Variants in ITPKB observed in about 807,000 individuals in gnomAD.
ITPKB encodes the protein IP3 3-kinase B.
ITPKB carries 13 observed loss-of-function variants against 69.4 expected under a neutral mutation model. The observed-to-expected ratio is 0.19, with a 90% CI of 0.12 to 0.30. The LOEUF is 0.30. Ranked by LOEUF, ITPKB falls within the 10% of genes least tolerant of loss-of-function variation. The probability of loss-of-function intolerance (pLI) is 1.00; values close to 1 mark genes in which losing one functional copy is unlikely to be tolerated. For synonymous variants in ITPKB, 584 were observed against 513.7 expected (o/e 1.14, Z -1.85); for missense variants, 1,240 against 1,250.5 (o/e 0.99, Z 0.13).
chr1:226,703,735 C>T (rs1656736329), intron 2 of ITPKB, among the ~76,000 whole-genome samples: 1 of 152,236 alleles, frequency 6.6e-6, no homozygotes, highest in African/African-American at 2.4e-5. Flanking sequence ...GCGGGAAAGA[C>T]AAGGGGGCTG....
intron 4 of ITPKB, among the ~76,000 whole-genome samples, chr1:226,644,106 C>G (rs1006692154): frequency 6.6e-6 from 1 of 152,250 alleles, no homozygotes. Flanking sequence ...GGAAGCAGAC[C>G]TCAATGTGAA....
intron 2 of ITPKB, among the ~76,000 whole-genome samples, chr1:226,712,101 G>A (rs1656975368): frequency 1.3e-5 from 2 of 152,192 alleles, no homozygotes; most frequent in Non-Finnish European, 1.5e-5. Flanking sequence ...GCAAGAGTGA[G>A]ATAATAGTCT....
intron 2 of ITPKB, among the ~76,000 whole-genome samples, chr1:226,720,147 G>T (rs957493414): frequency 6.6e-6 from 1 of 152,214 alleles, no homozygotes; most frequent in Non-Finnish European, 1.5e-5. Flanking sequence ...TCCACTCTTA[G>T]TTCCACCTCC....
intron 2 of ITPKB, among the ~76,000 whole-genome samples, chr1:226,685,569 T>C (rs3754401): frequency 0.015 from 2,259 of 152,256 alleles, 110 homozygotes; most frequent in Admixed American, 0.081. Flanking sequence ...GTAGCTGTTC[T>C]TCCCTGTCTG....
At position 226,735,434 on chromosome 1, in the gene ITPKB, C is replaced by T. The variant is rs961940693; in HGVS notation, c.1932+93G>A. On this transcript the variant is annotated intron_variant, in intron 2 of 7. Coordinates refer to ENST00000429204, the MANE Select transcript of ITPKB (RefSeq NM_002221.4). Reference sequence around the variant, plus strand: ...AGGGCCCTGGTCTGAGTTTTCATGACTGTGTAGAAAGTTAAGAAAAAGGGA... The same window carrying T: ...AGGGCCCTGGTCTGAGTTTTCATGATTGTGTAGAAAGTTAAGAAAAAGGGA... 9.6e-6 allele frequency: 13 copies of T among 1,347,164 alleles called. No homozygotes were observed. The African/African-American group carries it at 2.0e-4, about 21-fold the overall frequency. The allele number at this position is 1,347,164 out of a possible 1,614,324, so 83.5% of individuals were successfully genotyped here.
chr1:226,711,110 G>C (rs1011359004), intron 2 of ITPKB, among the ~76,000 whole-genome samples: 1 of 152,092 alleles, frequency 6.6e-6, no homozygotes, highest in African/African-American at 2.4e-5. Context: ...TGAAAACAAA[G>C]CCAAACAAAA....
In ITPKB at chr1:226,632,049, A is replaced by AGAG. The variant is rs1416435724; in HGVS notation, c.*2619_*2621dup. 2 of 152,700 alleles carry AGAG rather than the reference A, an allele frequency of 1.3e-5. No individual in the cohort carries two copies. Among genetic ancestry groups the AGAG allele is most frequent in the Admixed American group, 6.5e-5 (1 of 15,292 alleles). The allele number at this position is 152,700 out of a possible 1,614,324, so 9.5% of individuals were successfully genotyped here. A position where few individuals can be genotyped will look rare whatever the true frequency, so the allele number is the denominator to read the frequency against. On this transcript the variant is annotated 3_prime_UTR_variant, in exon 8 of 8. Coordinates refer to ENST00000429204, the MANE Select transcript of ITPKB (RefSeq NM_002221.4). ...AAGGCAAAGCTTTCAAGGAGAAACA[A>AGAG]GAGTCCAGCCTTTCGGTCTTAGTGT... is the stretch of plus-strand genomic sequence containing the variant.
intron 7 of ITPKB, among the ~76,000 whole-genome samples, chr1:226,636,319 A>G (rs1668836194): frequency 6.6e-6 from 1 of 152,216 alleles, no homozygotes; most frequent in Admixed American, 6.5e-5. Flanking sequence ...GGGGACAAGG[A>G]GAGCAAAGAA....
chr1:226,665,019 T>C (rs944804405), intron 2 of ITPKB, among the ~76,000 whole-genome samples: 1 of 152,228 alleles, frequency 6.6e-6, no homozygotes, highest in Non-Finnish European at 1.5e-5. Flanking sequence ...CCAGGTGATA[T>C]AGGGCAGAGG....
intron 5 of ITPKB, among the ~76,000 whole-genome samples, chr1:226,640,448 C>A (rs1414860914): frequency 2.6e-5 from 4 of 152,186 alleles, no homozygotes; most frequent in South Asian, 2.1e-4. Context: ...GCTGAGGGAG[C>A]AGCCCTGGGT....
At position 226,737,620 on chromosome 1, in the gene ITPKB, C is replaced by T; in HGVS notation, c.-162G>A. ...CTGGGCAGCGGGCTGGGGGCACGAC[C>T]GCGGGCTCAGCCCCCGCCCAAAGCT... On this transcript the variant is annotated 5_prime_UTR_variant, in exon 2 of 8. Coordinates refer to ENST00000429204, the MANE Select transcript of ITPKB (RefSeq NM_002221.4). 1 of 1,133,574 alleles carries T rather than the reference C, an allele frequency of 8.8e-7. No homozygotes were observed. The highest frequency in any genetic ancestry group is 4.8e-5 in the East Asian group (1 of 20,820). 70.2% of individuals were successfully genotyped at this position (1,133,574 alleles called of 1,614,324 possible). A position where few individuals can be genotyped will look rare whatever the true frequency, so the allele number is the denominator to read the frequency against.
At chr1:226,718,225 C>T (rs535106726) in intron 2 of ITPKB, among the ~76,000 whole-genome samples, 5 of 147,262 alleles carry the variant, frequency 3.4e-5, no homozygotes, top group Non-Finnish European at 7.4e-5. Flanking sequence ...AACCAGGAGG[C>T]GGAGCTTGCA....
chr1:226,736,353 G>C lies in ITPKB; in HGVS notation c.1106C>G (p.Pro369Arg). The C allele has an allele frequency of 6.2e-7, 1 of 1,612,532 alleles. No homozygotes were observed. Among genetic ancestry groups the C allele is most frequent in the South Asian group, 1.1e-5 (1 of 91,050 alleles). Residue 369 changes from proline to arginine, a missense_variant, in exon 2 of 8, where the codon CCT becomes CGT. Transcript: ENST00000429204. ...ERGGPRDGEP[P>R]GKMGKGYLPC... Reference sequence around the variant, plus strand: ...CAGATATCCTTTCCCCATCTTCCCAGGGGGTTCTCCATCGCGGGGCCCGCC... The same window carrying C: ...CAGATATCCTTTCCCCATCTTCCCACGGGGTTCTCCATCGCGGGGCCCGCC...
At chr1:226,664,771 A>G (rs1359044297) in intron 2 of ITPKB, among the ~76,000 whole-genome samples, 1 of 152,240 alleles carries the variant, frequency 6.6e-6, no homozygotes, top group African/African-American at 2.4e-5. Context: ...ATAAACTGCC[A>G]AAGAGCCCCG....
At chr1:226,706,667 G>T (rs1656807708) in intron 2 of ITPKB, among the ~76,000 whole-genome samples, 1 of 152,236 alleles carries the variant, frequency 6.6e-6, no homozygotes, top group Non-Finnish European at 1.5e-5. Context: ...GAGTGCTCCA[G>T]GTGACAGGGC....
At chr1:226,707,257 G>A in intron 2 of ITPKB, 1 of 247,914 alleles carries the variant, frequency 4.0e-6, no homozygotes, top group Non-Finnish European at 6.4e-6. Flanking sequence ...GTGCAGTGGT[G>A]CTATCTCGGC....
At chr1:226,707,408 G>A (rs1656828870) in intron 2 of ITPKB, 2 of 379,314 alleles carry the variant, frequency 5.3e-6, no homozygotes, top group African/African-American at 2.2e-5. Context: ...TGTTGGCCAG[G>A]CTGGTCTCAA....
At chr1:226,668,729 G>C (rs1368209256) in intron 2 of ITPKB, among the ~76,000 whole-genome samples, 1 of 152,196 alleles carries the variant, frequency 6.6e-6, no homozygotes, top group Non-Finnish European at 1.5e-5. Context: ...AAATTAACAG[G>C]AATAAAAAGT....
At chr1:226,694,376 T>C (rs1254509714) in intron 2 of ITPKB, among the ~76,000 whole-genome samples, 1 of 152,224 alleles carries the variant, frequency 6.6e-6, no homozygotes, top group African/African-American at 2.4e-5. Context: ...ATTAGGACCC[T>C]AGAAGGTTCT....
Sources: gnomAD v4.1 joint callset for allele counts (sites outside exome capture counted in the v4.1 genomes callset) on GRCh38, gnomAD v4.1.1 for gene constraint, MANE v1.5 for transcripts, NCBI Gene and HGNC (gene_info 2026-07-23, HGNC 2026-07-21) for gene names.